Variants in LINGO2 observed in about 807,000 individuals in gnomAD.
The protein encoded by LINGO2 is leucine rich repeat and Ig domain containing 2.
LINGO2 carries 14 observed loss-of-function variants against 30.6 expected under a neutral mutation model. That is an observed-to-expected ratio of 0.46 (90% CI 0.30 to 0.72). The LOEUF (loss-of-function observed/expected upper bound fraction) is 0.72. LINGO2 is among the 30% of genes least tolerant of loss of function. LINGO2 has a pLI of 0.07. For missense variants in LINGO2, 729 were observed against 751.7 expected (o/e 0.97, Z 0.35); for synonymous variants, 317 against 288.5 (o/e 1.10, Z -1.00).
chr9:28,486,905 G>A (rs2135248448), intron 1 of LINGO2, among the ~76,000 whole-genome samples: 1 of 152,116 alleles, frequency 6.6e-6, no homozygotes, highest in Non-Finnish European at 1.5e-5. Flanking sequence ...CTCCATTAAG[G>A]GTACTGAGTT....
chr9:28,306,879 G>C (rs927481860), intron 3 of LINGO2, among the ~76,000 whole-genome samples: 16 of 152,102 alleles, frequency 1.1e-4, no homozygotes, highest in African/African-American at 3.1e-4. Flanking sequence ...ATTAAACCAC[G>C]AACAAGTTGA....
chr9:28,066,421 T>C (rs1031202562), intron 4 of LINGO2, among the ~76,000 whole-genome samples: 2 of 152,126 alleles, frequency 1.3e-5, no homozygotes, highest in Non-Finnish European at 2.9e-5. Context: ...AATGAGACCA[T>C]GATCTCATGC....
intron 5 of LINGO2, among the ~76,000 whole-genome samples, chr9:28,002,273 T>G (rs1821997665): frequency 6.6e-6 from 1 of 151,470 alleles, no homozygotes; most frequent in African/African-American, 2.4e-5. Flanking sequence ...CCATTTTTTT[T>G]TTGTTCCCTC....
At position 28,135,718 on chromosome 9, in the gene LINGO2, T is replaced by G. The variant is rs762802413; in HGVS notation, c.-86-123313A>C. Among the ~76,000 whole-genome samples the G allele has an allele frequency of 5.9e-5, 9 of 152,038 alleles. No individual in the cohort carries two copies. In the South Asian group the frequency reaches 1.9e-3, roughly 32 times the overall value. ...CTTTTATTTACATTGCTATTCCCCT[T>G]CAAGCTCAAACAGTCCCCAGAACTT... is the stretch of plus-strand genomic sequence containing the variant. On this transcript the variant is annotated intron_variant, in intron 4 of 5. Transcript: ENST00000379992.
the LINGO2 span, among the ~76,000 whole-genome samples, chr9:28,814,047 A>G: frequency 1.3e-5 from 2 of 152,228 alleles, no homozygotes; most frequent in Admixed American, 6.5e-5. Context: ...TAGAATTTTT[A>G]TAGAGATAAT....
At chr9:28,961,951 GC>G in the LINGO2 span, among the ~76,000 whole-genome samples, 78,705 of 151,924 alleles carry the variant, frequency 0.52, 21,523 homozygotes, top group Non-Finnish European at 0.61. Flanking sequence ...GAGCTGCTAT[GC>G]CTGTATCATA....
At chr9:28,687,687 T>TA in the LINGO2 span, among the ~76,000 whole-genome samples, 10 of 152,176 alleles carry the variant, frequency 6.6e-5, no homozygotes, top group East Asian at 5.8e-4. Context: ...CATGGATACT[T>TA]AAAAAAATCA....
intron 5 of LINGO2, among the ~76,000 whole-genome samples, chr9:28,011,262 G>T (rs752116474): frequency 4.6e-5 from 7 of 152,154 alleles, no homozygotes; most frequent in Non-Finnish European, 7.3e-5. Context: ...AGAATTTTTC[G>T]TAGGGAGGGA....
At chr9:28,509,908 T>C (rs1820302385) in intron 1 of LINGO2, among the ~76,000 whole-genome samples, 1 of 152,236 alleles carries the variant, frequency 6.6e-6, no homozygotes, top group Non-Finnish European at 1.5e-5. Context: ...CCTAAATATT[T>C]TTGAAGATAA....
intron 4 of LINGO2, among the ~76,000 whole-genome samples, chr9:28,099,524 A>G (rs977340324): frequency 5.3e-5 from 8 of 152,154 alleles, no homozygotes; most frequent in Non-Finnish European, 1.2e-4. Context: ...CCATTGGGAT[A>G]AATTGATACT....
intron 1 of LINGO2, among the ~76,000 whole-genome samples, chr9:28,583,936 G>A (rs1824395539): frequency 1.3e-5 from 2 of 151,996 alleles, no homozygotes; most frequent in South Asian, 4.1e-4. Flanking sequence ...ACATTGGTGA[G>A]AGATCATGGA....
At chr9:29,197,583 G>A in the LINGO2 span, among the ~76,000 whole-genome samples, 1 of 152,012 alleles carries the variant, frequency 6.6e-6, no homozygotes, top group Non-Finnish European at 1.5e-5. Flanking sequence ...GCAATTAAGT[G>A]TTTCAATTCA....
At chr9:27,956,363 T>C (rs7030380) in intron 5 of LINGO2, among the ~76,000 whole-genome samples, 84,159 of 152,086 alleles carry the variant, frequency 0.55, 24,772 homozygotes, top group East Asian at 0.81. Flanking sequence ...GATTCTTTGG[T>C]ATATTTTATG....
chr9:28,308,751 C>G (rs935260856), intron 3 of LINGO2, among the ~76,000 whole-genome samples: 1 of 151,422 alleles, frequency 6.6e-6, no homozygotes, highest in Non-Finnish European at 1.5e-5. Context: ...AACAAACAAC[C>G]CCATCAAAAA....
intron 5 of LINGO2, among the ~76,000 whole-genome samples, chr9:27,989,551 C>G (rs1213487686): frequency 6.6e-6 from 1 of 151,622 alleles, no homozygotes; most frequent in African/African-American, 2.4e-5. Context: ...CTGGCAGGCA[C>G]TAGGGGATGA....
intron 2 of LINGO2, among the ~76,000 whole-genome samples, chr9:28,436,807 A>G (rs1823961348): frequency 6.6e-6 from 1 of 152,136 alleles, no homozygotes; most frequent in Admixed American, 6.5e-5. Flanking sequence ...TGAAGAAGAG[A>G]TAAGGCAGTA....
At chr9:28,744,999 A>G in the LINGO2 span, among the ~76,000 whole-genome samples, 1 of 151,972 alleles carries the variant, frequency 6.6e-6, no homozygotes, top group Non-Finnish European at 1.5e-5. Flanking sequence ...CCACTTATTG[A>G]TCAAGGTTAT....
chr9:29,008,072 C>T, the LINGO2 span, among the ~76,000 whole-genome samples: 6 of 152,106 alleles, frequency 3.9e-5, no homozygotes, highest in Non-Finnish European at 7.4e-5. Flanking sequence ...GCTATCCCTC[C>T]CCTCTCCCCT....
chr9:28,625,070 G>C (rs1362595106), intron 1 of LINGO2, among the ~76,000 whole-genome samples: 1 of 151,906 alleles, frequency 6.6e-6, no homozygotes, highest in Non-Finnish European at 1.5e-5. Flanking sequence ...TTCAGACCTT[G>C]TGTTCTAGAC....
Sources: gnomAD v4.1 joint callset for allele counts (sites outside exome capture counted in the v4.1 genomes callset) on GRCh38, gnomAD v4.1.1 for gene constraint, MANE v1.5 for transcripts, NCBI Gene and HGNC (gene_info 2026-07-23, HGNC 2026-07-21) for gene names.